The following ADAM2 variants were observed in gnomAD, a reference collection of about 807,000 sequenced individuals.
ADAM2 encodes the protein ADAM metallopeptidase domain 2.
ADAM2 carries 101 observed loss-of-function variants against 99.3 expected under a neutral mutation model. That is an observed-to-expected ratio of 1.02 (90% CI 0.87 to 1.20). ADAM2 has a LOEUF of 1.20. Among genes scored for constraint, ADAM2 ranks in the 50% most tolerant of loss-of-function variants. The pLI is 0.00. For synonymous variants in ADAM2, 323 were observed against 287.6 expected, an observed-to-expected ratio of 1.12 and a Z score of -1.25; for missense variants, 948 against 878.7, an observed-to-expected ratio of 1.08 and a Z score of -1.00.
At chr8:39,797,306 A>T (rs749345819) in intron 7 of ADAM2, among the ~76,000 whole-genome samples, 42 of 152,076 alleles carry the variant, frequency 2.8e-4, no homozygotes, top group Admixed American at 1.6e-3. Context: ...TGAATCGGAG[A>T]TCCTTTCCTC....
chr8:39,749,810 A>G (rs1361497729), intron 16 of ADAM2, 66 bp from the exon 17 acceptor site: 2 of 1,183,084 alleles, frequency 1.7e-6, no homozygotes, highest in Non-Finnish European at 2.5e-6. Flanking sequence ...AATTAAAAGC[A>G]TTCCATACCA....
chr8:39,828,426 A>C lies in ADAM2; in HGVS notation c.189-3529T>G, dbSNP rs192397850. On this transcript the variant is annotated intron_variant, in intron 3 of 20. Transcript: ENST00000265708. ...TAGAGAAACTACTAAAAGAAGAGTA[A>C]AAGAATGTATAACAAATAATTTAAT... Among the ~76,000 whole-genome samples the C allele has an allele frequency of 4.8e-3, 729 of 152,028 alleles. 8 individuals are homozygous for C. The highest frequency in any genetic ancestry group is 0.017 in the African/African-American group (688 of 41,554).
chr8:39,830,730 A>G (rs1245417088), intron 3 of ADAM2, among the ~76,000 whole-genome samples: 1 of 152,190 alleles, frequency 6.6e-6, no homozygotes, highest in Non-Finnish European at 1.5e-5. Context: ...ATTTAAATGA[A>G]AGGAATAGAG....
rs191824297 is a variant in ADAM2, at chr8:39,825,400, C to A, written c.189-503G>T. On this transcript the variant is annotated intron_variant, in intron 3 of 20. Transcript: ENST00000265708. ...TTATTTATTATATAATTATTCATCT[C>A]ATTTGATGATAATATAAACTTAGAG... is the stretch of plus-strand genomic sequence containing the variant. Among the ~76,000 whole-genome samples the A allele has an allele frequency of 1.7e-3, 265 of 152,136 alleles. 1 individual carries two copies. Among genetic ancestry groups the A allele is most frequent in the African/African-American group, 5.9e-3 (246 of 41,524 alleles).
intron 7 of ADAM2, among the ~76,000 whole-genome samples, chr8:39,794,689 A>G (rs1336972041): frequency 6.6e-6 from 1 of 152,086 alleles, no homozygotes; most frequent in Non-Finnish European, 1.5e-5. Flanking sequence ...TGCAGCCCCC[A>G]GTCACATACC....
At chr8:39,788,855 CAT>C (rs933060935) in intron 7 of ADAM2, 115 bp from the exon 8 acceptor site, 25 of 539,052 alleles carry the variant, frequency 4.6e-5, no homozygotes, top group Non-Finnish European at 6.9e-5. Flanking sequence ...AAATTACAAA[CAT>C]ATTAGTTTTT....
intron 7 of ADAM2, among the ~76,000 whole-genome samples, chr8:39,809,116 AT>A (rs1272209349): frequency 6.6e-6 from 1 of 152,180 alleles, no homozygotes; most frequent in Non-Finnish European, 1.5e-5. Context: ...GTCAAGCATT[AT>A]TTTTAAAATT....
intron 6 of ADAM2, among the ~76,000 whole-genome samples, chr8:39,810,337 C>T (rs562828032): frequency 1.3e-4 from 20 of 152,092 alleles, no homozygotes; most frequent in East Asian, 3.9e-4. Flanking sequence ...TAATAATGGG[C>T]GACTTTAACA....
intron 3 of ADAM2, among the ~76,000 whole-genome samples, chr8:39,828,079 C>T (rs1159769330): frequency 1.3e-5 from 2 of 151,696 alleles, no homozygotes; most frequent in Non-Finnish European, 3.0e-5. Flanking sequence ...TTAAAACAAG[C>T]AGTCTTATAA....
chr8:39,769,318 G>A, intron 12 of ADAM2, 74 bp downstream of exon 12: 1 of 1,169,124 alleles, frequency 8.6e-7, no homozygotes, highest in Non-Finnish European at 1.2e-6. Flanking sequence ...TAAGGAAAAT[G>A]GCAGTTTCTC....
At chr8:39,753,424 T>C (rs1228062547) in intron 16 of ADAM2, among the ~76,000 whole-genome samples, 1 of 145,966 alleles carries the variant, frequency 6.9e-6, no homozygotes, top group Non-Finnish European at 1.5e-5. Flanking sequence ...GATGATGCAA[T>C]AGAAAAAAAA....
chr8:39,778,041 ATAT>A (rs1803069805), intron 10 of ADAM2, among the ~76,000 whole-genome samples: 1 of 147,916 alleles, frequency 6.8e-6, no homozygotes, highest in Non-Finnish European at 1.5e-5. Context: ...TATAATTTAT[ATAT>A]TAATTATATA....
rs150819542 is a variant in ADAM2 at position 39,744,334 on chromosome 8, G to A, written c.*31-270C>T. Reference sequence around the variant, plus strand: ...TATAAATTCTGAAAAATATAATTCCGAAAAATAGTCTCCAATTTATTTTTA... The same window carrying A: ...TATAAATTCTGAAAAATATAATTCCAAAAAATAGTCTCCAATTTATTTTTA... On this transcript the variant is annotated intron_variant, in intron 20 of 20. Transcript: ENST00000265708. Among the ~76,000 whole-genome samples, 1,001 of 151,782 alleles carry A rather than the reference G, an allele frequency of 6.6e-3. 4 individuals are homozygous for A. Among genetic ancestry groups the A allele is most frequent in the Non-Finnish European group, 8.9e-3 (607 of 67,912 alleles).
chr8:39,760,237 A>T (rs2129583680), intron 15 of ADAM2, among the ~76,000 whole-genome samples: 1 of 152,320 alleles, frequency 6.6e-6, no homozygotes, highest in South Asian at 2.1e-4. Context: ...ACTATGTATC[A>T]GTCACCATTC....
intron 3 of ADAM2, among the ~76,000 whole-genome samples, chr8:39,832,267 T>C (rs1054658668): frequency 1.3e-5 from 2 of 152,166 alleles, no homozygotes; most frequent in Non-Finnish European, 2.9e-5. Context: ...CCAGGCCTCG[T>C]TGTCTTTTGA....
In ADAM2 at chr8:39,783,127, T is replaced by C. The variant is rs1053031525; in HGVS notation, c.891+3847A>G. Among the ~76,000 whole-genome samples the C allele has an allele frequency of 2.6e-5, 4 of 152,154 alleles. No homozygotes were observed. In the East Asian group the frequency reaches 7.7e-4, roughly 29 times the overall value. On this transcript the variant is annotated intron_variant, in intron 10 of 20. Transcript: ENST00000265708. ...TATTTTATTTGCAAATCTTTCGAGATTTTTAAGTGATATTTCTATTAGTTG... is the reference window on the plus strand; with the variant it reads ...TATTTTATTTGCAAATCTTTCGAGACTTTTAAGTGATATTTCTATTAGTTG...
At chr8:39,818,678 G>C (rs574864589) in intron 6 of ADAM2, among the ~76,000 whole-genome samples, 1 of 152,108 alleles carries the variant, frequency 6.6e-6, no homozygotes, top group East Asian at 1.9e-4. Context: ...ATAAAAAGTC[G>C]TGGAGTTCAA....
At chr8:39,794,971 T>G (rs1463679589) in intron 7 of ADAM2, among the ~76,000 whole-genome samples, 4 of 152,116 alleles carry the variant, frequency 2.6e-5, no homozygotes, top group African/African-American at 7.2e-5. Flanking sequence ...GTTATCTCTA[T>G]ATTATGCAAT....
In ADAM2 at chr8:39,755,728, C is replaced by A. The variant is rs1480128713; in HGVS notation, c.1797G>T (p.Lys599Asn). The change falls in exon 16 of 21, where the codon AAG becomes AAT. Residue 599 changes from lysine (K) to asparagine (N), a missense_variant and splice_region_variant. Physicochemically the swap from Lys to Asn is moderately conservative, Grantham distance 94. Transcript: ENST00000265708. ...IKDGTSCGSN[K>N]VCRNQRCVSS... ...TATTTGGGAATAAAAGACTACCTAC[C>A]TTATTTGAACCACAAGAAGTTCCAT... 1.2e-6 allele frequency: 2 copies of A among 1,608,680 alleles called. No individual in the cohort carries two copies. The highest frequency in any genetic ancestry group is 1.7e-5 in the Admixed American group (1 of 59,172).
Sources: allele counts gnomAD v4.1 joint callset (sites outside exome capture counted in the v4.1 genomes callset), GRCh38; gene constraint gnomAD v4.1.1; transcripts MANE v1.5; gene names NCBI Gene and HGNC (gene_info 2026-07-23, HGNC 2026-07-21).